The following HERC2 variants were observed in gnomAD, a reference collection of about 807,000 sequenced individuals.
HERC2 encodes the protein E3 ubiquitin-protein ligase HERC2.
In HERC2, 102 loss-of-function variants were observed where a neutral mutation model predicts 537.7. The observed-to-expected ratio is 0.19, with a 90% CI of 0.16 to 0.22. The LOEUF (loss-of-function observed/expected upper bound fraction) is 0.22, where lower values mean the gene tolerates loss of function less well. Ranked by LOEUF, HERC2 falls within the 10% of genes least tolerant of loss-of-function variation. The probability of loss-of-function intolerance (pLI) is 1.00; values close to 1 mark genes in which losing one functional copy is unlikely to be tolerated. For missense variants in HERC2, 4,236 were observed against 6,198.2 expected, an observed-to-expected ratio of 0.68 and a Z score of 10.63; for synonymous variants, 2,224 against 2,466.2, an observed-to-expected ratio of 0.90 and a Z score of 2.91.
chr15:28,160,690 C>T (rs759499767), intron 69 of HERC2, among the ~76,000 whole-genome samples: 7 of 152,220 alleles, frequency 4.6e-5, no homozygotes, highest in African/African-American at 1.7e-4. Flanking sequence ...CCAGGTGAGG[C>T]GATGCCTCGC....
chr15:28,153,293 C>G (rs1304344289), intron 69 of HERC2, among the ~76,000 whole-genome samples: 1 of 151,986 alleles, frequency 6.6e-6, no homozygotes, highest in Non-Finnish European at 1.5e-5. Context: ...GCAGAGGTTG[C>G]GGTGAGCCGA....
intron 30 of HERC2, among the ~76,000 whole-genome samples, chr15:28,232,248 G>A (rs1901944337): frequency 6.6e-6 from 1 of 152,136 alleles, no homozygotes; most frequent in Non-Finnish European, 1.5e-5. Flanking sequence ...TAAGTCATAA[G>A]AATATGATCA....
chr15:28,301,308 G>A (rs2076617001), intron 2 of HERC2, among the ~76,000 whole-genome samples: 1 of 151,876 alleles, frequency 6.6e-6, no homozygotes, highest in Admixed American at 6.6e-5. Context: ...CCAGCTACTT[G>A]GGAGGCTGAG....
In HERC2 at chr15:28,169,411, G is replaced by A. The variant is rs750229585; in HGVS notation, c.10229+73C>T. On this transcript the variant is annotated intron_variant, in intron 66 of 92. Coordinates refer to ENST00000261609, the MANE Select transcript of HERC2 (RefSeq NM_004667.6). ...ACATTCTTGGAGACATCTGATCAAC[G>A]AAAAGAAAAAAAATCACAAAAATGT... 1.6e-4 allele frequency: 188 copies of A among 1,165,806 alleles called. 1 individual carries two copies. The highest frequency in any genetic ancestry group is 1.6e-4 in the Non-Finnish European group (129 of 817,712). The allele number at this position is 1,165,806 out of a possible 1,614,324, so 72.2% of individuals were successfully genotyped here.
intron 5 of HERC2, among the ~76,000 whole-genome samples, chr15:28,277,230 T>C (rs1048959769): frequency 4.6e-5 from 7 of 152,118 alleles, no homozygotes; most frequent in African/African-American, 1.2e-4. Flanking sequence ...CATGTACCAA[T>C]TGCAGTGGTG....
At chr15:28,293,103 A>G in intron 3 of HERC2, 81 bp from the exon 4 acceptor site, 1 of 1,290,194 alleles carries the variant, frequency 7.8e-7, no homozygotes, top group Non-Finnish European at 1.1e-6. Flanking sequence ...CCCTCCCCGA[A>G]AAGTTACAAC....
At position 28,215,699 on chromosome 15, in the gene HERC2, G is replaced by C. The variant is rs1380712489; in HGVS notation, c.6132C>G (p.Ser2044Arg). The C allele has an allele frequency of 7.4e-6, 12 of 1,612,040 alleles. No homozygotes were observed. Among genetic ancestry groups the C allele is most frequent in the Non-Finnish European group, 1.0e-5 (12 of 1,179,840 alleles). The stretch of plus-strand genomic sequence containing the variant: ...TGAGCAGCGTGATCCACTGCGGGGA[G>C]CTGAGGGCGCCGCATACCTGCGGCG... ...ALTPQVCGAL[S>R]SPQWITLLMK... Residue 2044 changes from serine (S) to arginine (R), a missense_variant, in exon 39 of 93, where the codon AGC becomes AGG. This residue lies in a region of HERC2 where 365 missense variants were observed against 468.8 expected (regional missense o/e 0.78). Coordinates refer to ENST00000261609, the MANE Select transcript of HERC2 (RefSeq NM_004667.6).
intron 2 of HERC2, among the ~76,000 whole-genome samples, chr15:28,304,141 G>A (rs1036671045): frequency 5.4e-5 from 7 of 129,278 alleles, no homozygotes; most frequent in Non-Finnish European, 9.5e-5. Flanking sequence ...TTTCCAGCCT[G>A]GGCCACAGAG....
At position 28,111,690 on chromosome 15, in the gene HERC2, C is replaced by T. The variant is rs1329926998; in HGVS notation, c.*73G>A. Reference sequence around the variant, plus strand: ...GCTTCTCATCAGACACACCAGGCAGCCTACAGTCTACACAGCAGCGAGCGC... The same window carrying T: ...GCTTCTCATCAGACACACCAGGCAGTCTACAGTCTACACAGCAGCGAGCGC... On this transcript the variant is annotated 3_prime_UTR_variant, in exon 93 of 93. Transcript: ENST00000261609. 6.6e-7 allele frequency: 1 copy of T among 1,516,474 alleles called. No homozygotes were observed. Among genetic ancestry groups the T allele is most frequent in the African/African-American group, 1.4e-5 (1 of 72,598 alleles). The allele number at this position is 1,516,474 out of a possible 1,614,324, so 93.9% of individuals were successfully genotyped here.
At chr15:28,158,182 C>A (rs1447221652) in intron 69 of HERC2, among the ~76,000 whole-genome samples, 1 of 151,984 alleles carries the variant, frequency 6.6e-6, no homozygotes, top group East Asian at 1.9e-4. Flanking sequence ...GGAGTAAGTG[C>A]GGTGTGGTGC....
chr15:28,209,737 G>A (rs1374592652), intron 44 of HERC2, among the ~76,000 whole-genome samples: 23 of 152,104 alleles, frequency 1.5e-4, no homozygotes, highest in Non-Finnish European at 1.2e-4. Context: ...AAGCATTAGT[G>A]AATTCTGGTA....
At chr15:28,316,756 T>A (rs2077097625) in intron 2 of HERC2, among the ~76,000 whole-genome samples, 1 of 152,158 alleles carries the variant, frequency 6.6e-6, no homozygotes, top group African/African-American at 2.4e-5. Context: ...GATACTCATG[T>A]TTATACTTTT....
At position 28,124,177 on chromosome 15, in the gene HERC2, G is replaced by A. The variant is rs11854005; in HGVS notation, c.13048C>T (p.Leu4350=). The change falls in exon 85 of 93, where the codon CTG becomes TTG. Residue 4350 remains leucine (L), a synonymous_variant. Transcript: ENST00000261609. ...EIPIIALRNR[L]LLLHHLSELF... The stretch of plus-strand genomic sequence containing the variant: ...TCGGAGAGGTGGTGCAGCAGCAGCA[G>A]ACGGTTCCTCAGCGCAATGATGGGG... 1.8e-3 allele frequency: 2,850 copies of A among 1,573,224 alleles called. 48 individuals are homozygous for A. In the African/African-American group the frequency reaches 0.035, roughly 19 times the overall value.
At position 28,265,277 on chromosome 15, in the gene HERC2, A is replaced by G. The variant is rs2075531290; in HGVS notation, c.1870+341T>C. On this transcript the variant is annotated intron_variant, in intron 14 of 92. Transcript: ENST00000261609. The surrounding 1 kb of genome is among the most constrained non-coding windows in gnomAD (Gnocchi z 4.0). ...CAGACTACAGAACACAGAAAGACTT[A>G]GCAGGAATTACCACAGGGAATCAAG... Among the ~76,000 whole-genome samples the G allele has an allele frequency of 6.6e-6, 1 of 152,204 alleles. No individual in the cohort carries two copies. Among genetic ancestry groups the G allele is most frequent in the South Asian group, 2.1e-4 (1 of 4,828 alleles).
At chr15:28,135,251 A>G (rs1890513524) in intron 79 of HERC2, among the ~76,000 whole-genome samples, 1 of 152,202 alleles carries the variant, frequency 6.6e-6, no homozygotes, top group South Asian at 2.1e-4. Context: ...ACTTGTCATC[A>G]AAAACACAGA....
Position 28,298,195 on chromosome 15 carries a change from C to G in HERC2, c.187+1207G>C, listed in dbSNP as rs202137397. Reference sequence around the variant, plus strand: ...TTGAGATGGAGTCTCACTCTGTCACCCAGGCTGGAGTGCAGTAGCACAATA... The same window carrying G: ...TTGAGATGGAGTCTCACTCTGTCACGCAGGCTGGAGTGCAGTAGCACAATA... On this transcript the variant is annotated intron_variant, in intron 3 of 92. Transcript: ENST00000261609. 1.5e-4 allele frequency among the ~76,000 whole-genome samples: 19 copies of G among 128,948 alleles called. No homozygotes were observed. In the Admixed American group the frequency reaches 1.5e-3, roughly 10 times the overall value. The allele number at this position is 128,948 out of a possible 152,430, so 84.6% of individuals were successfully genotyped here.
chr15:28,162,551 A>T (rs1893710647), intron 69 of HERC2, among the ~76,000 whole-genome samples: 1 of 152,232 alleles, frequency 6.6e-6, no homozygotes, highest in Non-Finnish European at 1.5e-5. Flanking sequence ...AGGGACTTAA[A>T]GAACTTTGAC....
intron 54 of HERC2, 33 bp from the exon 55 acceptor site, chr15:28,191,089 G>C (rs373381932): frequency 6.3e-7 from 1 of 1,588,024 alleles, no homozygotes; most frequent in Non-Finnish European, 8.6e-7. Context: ...TCAAACAAAG[G>C]CGTCTTTATT....
At chr15:28,197,590 A>G (rs550517664) in intron 50 of HERC2, among the ~76,000 whole-genome samples, 1 of 152,132 alleles carries the variant, frequency 6.6e-6, no homozygotes, top group Non-Finnish European at 1.5e-5. Flanking sequence ...CATCTCTACT[A>G]AAAATACAAA....
Sources: gnomAD v4.1 joint callset for allele counts (sites outside exome capture counted in the v4.1 genomes callset) on GRCh38, gnomAD v4.1.1 for gene constraint, gnomAD v4.1.1 regional missense constraint, Gnocchi (gnomAD v3.1) non-coding constraint, MANE v1.5 for transcripts, NCBI Gene and HGNC (gene_info 2026-07-23, HGNC 2026-07-21) for gene names.